ADCY10: variants seen among roughly 807,000 people sequenced by gnomAD.
The protein encoded by ADCY10 is adenylate cyclase 10, also known as adenylate cyclase type 10.
A neutral mutation model predicts 183.3 loss-of-function variants in ADCY10; 156 were observed. The ratio of observed to expected loss-of-function variants is 0.85; its 90% CI spans 0.75 to 0.97. The LOEUF (loss-of-function observed/expected upper bound fraction) is 0.97. Among genes scored for constraint, ADCY10 ranks in the 50% least tolerant of loss-of-function variants. The probability of loss-of-function intolerance (pLI) is 0.00; values close to 1 mark genes in which losing one functional copy is unlikely to be tolerated. For synonymous variants in ADCY10, 645 were observed against 670.0 expected (o/e 0.96, Z 0.58); for missense variants, 1,745 against 1,934.3 (o/e 0.90, Z 1.84).
At chr1:167,902,993 G>T (rs146402338) in intron 3 of ADCY10, among the ~76,000 whole-genome samples, 2 of 152,202 alleles carry the variant, frequency 1.3e-5, no homozygotes, top group Non-Finnish European at 2.9e-5. Flanking sequence ...GGTGGCTTAC[G>T]CCTATAATCC....
At chr1:167,910,005 T>G (rs1262698749) in intron 1 of ADCY10, among the ~76,000 whole-genome samples, 1 of 152,192 alleles carries the variant, frequency 6.6e-6, no homozygotes, top group Non-Finnish European at 1.5e-5. Flanking sequence ...GATCTCAATC[T>G]ATTATGACCC....
At chr1:167,876,992 C>G (rs1326413598) in intron 12 of ADCY10, among the ~76,000 whole-genome samples, 1 of 152,056 alleles carries the variant, frequency 6.6e-6, no homozygotes, top group Non-Finnish European at 1.5e-5. Flanking sequence ...CTGTTGAACC[C>G]CAGGCACGTG....
chr1:167,871,109 A>G (rs926424955), intron 13 of ADCY10, among the ~76,000 whole-genome samples: 3 of 152,130 alleles, frequency 2.0e-5, no homozygotes, highest in African/African-American at 7.2e-5. Context: ...TCAACACACT[A>G]GAAGTAATAT....
chr1:167,835,522 G>T (rs1176225606), intron 23 of ADCY10, among the ~76,000 whole-genome samples: 2 of 152,140 alleles, frequency 1.3e-5, no homozygotes, highest in Non-Finnish European at 2.9e-5. Flanking sequence ...GTGGTCTAAT[G>T]GTATGTGTAA....
At chr1:167,840,308 G>A (rs1003929136) in intron 21 of ADCY10, among the ~76,000 whole-genome samples, 1 of 151,852 alleles carries the variant, frequency 6.6e-6, no homozygotes, top group Admixed American at 6.6e-5. Context: ...CAGGGCATAT[G>A]AGGTATGCTC....
In ADCY10 at chr1:167,837,234, G is replaced by C. The variant is rs1433966690; in HGVS notation, c.3077+15C>G. 1 of 1,596,848 alleles carries C rather than the reference G, an allele frequency of 6.3e-7. No homozygotes were observed. Among genetic ancestry groups the C allele is most frequent in the Admixed American group, 1.7e-5 (1 of 59,988 alleles). On this transcript the variant is annotated intron_variant, in intron 22 of 32. Coordinates refer to ENST00000367851, the MANE Select transcript of ADCY10 (RefSeq NM_018417.6). ...ATTTATGCTCTACTTCCTAAACAAT[G>C]ATATATGCCTCTACCTGCGATTTTC...
chr1:167,858,698 T>A (rs947628415), intron 16 of ADCY10, among the ~76,000 whole-genome samples: 1 of 151,998 alleles, frequency 6.6e-6, no homozygotes, highest in Admixed American at 6.6e-5. Context: ...ACCAAAGAGG[T>A]GACATTGAAA....
At chr1:167,821,283 G>C (rs1450500287) in intron 30 of ADCY10, 3 of 153,140 alleles carry the variant, frequency 2.0e-5, no homozygotes, top group Admixed American at 6.5e-5. Flanking sequence ...ATGGGGTGCG[G>C]GGAGAATGCT....
chr1:167,817,122 G>A (rs1010613328), intron 31 of ADCY10, among the ~76,000 whole-genome samples: 5 of 152,158 alleles, frequency 3.3e-5, no homozygotes, highest in Non-Finnish European at 7.4e-5. Context: ...CCAGCACTTT[G>A]GAAGGCTGAG....
At chr1:167,896,343 C>T (rs550919667) in intron 7 of ADCY10, among the ~76,000 whole-genome samples, 10 of 152,166 alleles carry the variant, frequency 6.6e-5, no homozygotes, top group Non-Finnish European at 1.3e-4. Context: ...TTCTTTTATC[C>T]TAGGGGATAC....
At chr1:167,827,215 T>G (rs1663359657) in intron 26 of ADCY10, among the ~76,000 whole-genome samples, 1 of 151,928 alleles carries the variant, frequency 6.6e-6, no homozygotes, top group Non-Finnish European at 1.5e-5. Flanking sequence ...TCGCCCAGGC[T>G]GGAGTGCAGT....
chr1:167,854,297 TG>T, intron 18 of ADCY10, 55 bp downstream of exon 18: 1 of 1,612,426 alleles, frequency 6.2e-7, no homozygotes, highest in South Asian at 1.1e-5. Flanking sequence ...CTTCTCTGAA[TG>T]AAGACTTAAG....
intron 25 of ADCY10, 101 bp from the exon 26 acceptor site, chr1:167,829,524 T>C (rs1191184394): frequency 3.6e-6 from 5 of 1,397,374 alleles, no homozygotes; most frequent in Non-Finnish European, 4.0e-6. Context: ...GGCCTGGGAA[T>C]CAAAACTGAC....
intron 17 of ADCY10, among the ~76,000 whole-genome samples, chr1:167,855,925 C>T (rs901224020): frequency 2.0e-5 from 3 of 152,134 alleles, no homozygotes; most frequent in African/African-American, 7.2e-5. Flanking sequence ...ATGGCTTGAG[C>T]CCAGGAGGTC....
chr1:167,879,110 T>C (rs1667696410), intron 11 of ADCY10, among the ~76,000 whole-genome samples: 1 of 152,162 alleles, frequency 6.6e-6, no homozygotes, highest in Admixed American at 6.5e-5. Flanking sequence ...GAGGCGTGCA[T>C]GGAGGATTGA....
At chr1:167,883,975 A>C (rs964283641) in intron 8 of ADCY10, among the ~76,000 whole-genome samples, 10 of 152,174 alleles carry the variant, frequency 6.6e-5, no homozygotes, top group African/African-American at 2.4e-4. Flanking sequence ...TAATTTTTGT[A>C]GGTCTATAGT....
intron 5 of ADCY10, 119 bp from the exon 6 acceptor site, chr1:167,899,747 C>T: frequency 6.6e-6 from 6 of 909,204 alleles, no homozygotes; most frequent in Non-Finnish European, 8.7e-6. Context: ...CAAAATCTCA[C>T]TTCTAAAACT....
intron 18 of ADCY10, among the ~76,000 whole-genome samples, chr1:167,850,954 G>T (rs150102955): frequency 2.2e-3 from 338 of 152,114 alleles, no homozygotes; most frequent in Middle Eastern, 6.8e-3. Context: ...TACATTAAAA[G>T]GATAATCTCG....
intron 14 of ADCY10, among the ~76,000 whole-genome samples, chr1:167,862,975 T>C (rs1486412609): frequency 6.6e-6 from 1 of 152,096 alleles, no homozygotes; most frequent in African/African-American, 2.4e-5. Flanking sequence ...TATATGAAAA[T>C]AAATAAACAA....
Sources: gnomAD v4.1 joint callset for allele counts (sites outside exome capture counted in the v4.1 genomes callset) on GRCh38, gnomAD v4.1.1 for gene constraint, MANE v1.5 for transcripts, NCBI Gene and HGNC (gene_info 2026-07-23, HGNC 2026-07-21) for gene names.